PAPPA2: variants seen among roughly 807,000 people sequenced by gnomAD.
PAPPA2 encodes pappalysin 2, also known as pappalysin-2.
Under a neutral mutation model 176.4 loss-of-function variants are expected in PAPPA2, and 86 were observed. That is an observed-to-expected ratio of 0.49 (90% confidence interval 0.41 to 0.58). The LOEUF (loss-of-function observed/expected upper bound fraction) is 0.58. PAPPA2 is among the 20% of genes least tolerant of loss of function. PAPPA2 has a pLI of 0.00. For missense variants in PAPPA2, 2,073 were observed against 2,256.9 expected, an observed-to-expected ratio of 0.92 and a Z score of 1.65; for synonymous variants, 809 against 852.2, an observed-to-expected ratio of 0.95 and a Z score of 0.88.
At chr1:176,557,284 G>C in intron 2 of PAPPA2, 43 bp downstream of exon 2, 15 of 1,516,570 alleles carry the variant, frequency 9.9e-6, no homozygotes, top group Non-Finnish European at 1.3e-5. Flanking sequence ...TGAGGGTATG[G>C]CTGGCTTTAT....
At chr1:176,501,642 T>C (rs1436015741) in intron 1 of PAPPA2, among the ~76,000 whole-genome samples, 2 of 152,230 alleles carry the variant, frequency 1.3e-5, no homozygotes, top group Non-Finnish European at 2.9e-5. Flanking sequence ...GTTATGTCAG[T>C]GCAAATGGTT....
chr1:176,717,783 A>C (rs551870847), intron 12 of PAPPA2, among the ~76,000 whole-genome samples: 29 of 152,360 alleles, frequency 1.9e-4, no homozygotes, highest in Admixed American at 5.9e-4. Context: ...CTCACATTAA[A>C]CATTTTTTTA....
chr1:176,820,728 CA>C (rs1208832483), intron 21 of PAPPA2, among the ~76,000 whole-genome samples: 2 of 152,092 alleles, frequency 1.3e-5, no homozygotes, highest in African/African-American at 4.8e-5. Context: ...TCTCCTGATT[CA>C]TACTTGGCCA....
At chr1:176,692,067 T>G in intron 5 of PAPPA2, 59 bp from the exon 6 acceptor site, 1 of 1,490,946 alleles carries the variant, frequency 6.7e-7, no homozygotes, top group Non-Finnish European at 9.2e-7. Flanking sequence ...TATCCCTGCC[T>G]TGGTGGACTT....
rs11277807 is a variant in PAPPA2, at chr1:176,634,799, G to GAGATAGAT, written c.1992-36129_1992-36122dup. ...GGTGTAGTTAAAATTTCCAAGGAGA[G>GAGATAGAT]AGATAGATAGATAGATAGATAGATA... On this transcript the variant is annotated intron_variant, in intron 3 of 22. Coordinates refer to ENST00000367662, the MANE Select transcript of PAPPA2 (RefSeq NM_020318.3). Among the ~76,000 whole-genome samples the GAGATAGAT allele has an allele frequency of 3.1e-3, 372 of 120,206 alleles. 1 individual carries two copies. Among genetic ancestry groups the GAGATAGAT allele is most frequent in the Non-Finnish European group, 3.6e-3 (199 of 55,986 alleles). The allele number at this position is 120,206 out of a possible 152,430, so 78.9% of individuals were successfully genotyped here.
At chr1:176,732,022 A>G (rs560168208) in intron 12 of PAPPA2, among the ~76,000 whole-genome samples, 1 of 152,180 alleles carries the variant, frequency 6.6e-6, no homozygotes, top group Non-Finnish European at 1.5e-5. Flanking sequence ...ATAATTTAAA[A>G]AATATAATTA....
chr1:176,606,838 G>T (rs997684646), intron 3 of PAPPA2, among the ~76,000 whole-genome samples: 3 of 152,136 alleles, frequency 2.0e-5, no homozygotes, highest in African/African-American at 4.8e-5. Context: ...ATGAACCAAA[G>T]TACAGATGTG....
intron 12 of PAPPA2, among the ~76,000 whole-genome samples, chr1:176,715,495 C>T (rs943380399): frequency 1.3e-5 from 2 of 152,126 alleles, no homozygotes; most frequent in Non-Finnish European, 2.9e-5. Flanking sequence ...GCCTCTGTGC[C>T]CCAACTGGGC....
intron 12 of PAPPA2, among the ~76,000 whole-genome samples, chr1:176,713,366 C>T (rs1661228848): frequency 1.3e-5 from 2 of 152,068 alleles, no homozygotes; most frequent in South Asian, 4.1e-4. Context: ...AAGGCACCAA[C>T]TCCTGCCAGT....
chr1:176,698,258 G>A (rs964523199), intron 7 of PAPPA2, among the ~76,000 whole-genome samples: 1 of 152,142 alleles, frequency 6.6e-6, no homozygotes, highest in African/African-American at 2.4e-5. Flanking sequence ...AGTAAGGCGG[G>A]GCTAAACATT....
At chr1:176,643,943 AG>A (rs1212659518) in intron 3 of PAPPA2, among the ~76,000 whole-genome samples, 20 of 151,856 alleles carry the variant, frequency 1.3e-4, no homozygotes. Context: ...GCAGAGGAGA[AG>A]GTGAGGGACA....
At chr1:176,607,614 C>T (rs1418035062) in intron 3 of PAPPA2, among the ~76,000 whole-genome samples, 2 of 152,160 alleles carry the variant, frequency 1.3e-5, no homozygotes, top group African/African-American at 4.8e-5. Flanking sequence ...CACTGATAGA[C>T]ACTTAGGTTG....
chr1:176,787,572 T>A (rs561787054), intron 17 of PAPPA2, among the ~76,000 whole-genome samples: 6 of 152,168 alleles, frequency 3.9e-5, no homozygotes, highest in Non-Finnish European at 7.4e-5. Flanking sequence ...TCCTTGGGAA[T>A]AAAGTTATGA....
intron 1 of PAPPA2, among the ~76,000 whole-genome samples, chr1:176,482,490 G>C (rs527948868): frequency 6.6e-6 from 1 of 152,302 alleles, no homozygotes; most frequent in African/African-American, 2.4e-5. Context: ...GGTTGTAAGT[G>C]AAGATCATTA....
intron 12 of PAPPA2, among the ~76,000 whole-genome samples, chr1:176,734,686 T>A (rs12117539): frequency 2.0e-5 from 3 of 151,956 alleles, no homozygotes; most frequent in Non-Finnish European, 4.4e-5. Flanking sequence ...AAACTCTTCC[T>A]CGACAAAATT....
chr1:176,480,539 C>T lies in PAPPA2; in HGVS notation c.-917+17121C>T, dbSNP rs181714080. ...GCAAGTAGGTGGTGGGGCATGGAGG[C>T]GGGAAGGCTGGAAGGGCCAGGTGGG... is the stretch of plus-strand genomic sequence containing the variant. On this transcript the variant is annotated intron_variant, in intron 1 of 22. Transcript: ENST00000367662. Among the ~76,000 whole-genome samples, 19 of 152,030 alleles carry T rather than the reference C, an allele frequency of 1.2e-4. No individual in the cohort carries two copies. The East Asian group carries it at 3.3e-3, about 26-fold the overall frequency.
chr1:176,585,922 T>C (rs1653276918), intron 2 of PAPPA2, among the ~76,000 whole-genome samples: 1 of 152,170 alleles, frequency 6.6e-6, no homozygotes, highest in South Asian at 2.1e-4. Context: ...TCTTAATATC[T>C]ATCTCTTATA....
chr1:176,783,797 C>A (rs1009306167), intron 17 of PAPPA2, among the ~76,000 whole-genome samples: 1 of 152,116 alleles, frequency 6.6e-6, no homozygotes, highest in Non-Finnish European at 1.5e-5. Flanking sequence ...GGTTTCTACA[C>A]CTTACTAGCA....
intron 21 of PAPPA2, among the ~76,000 whole-genome samples, chr1:176,806,021 A>AATTCAATTAC (rs903030726): frequency 1.3e-5 from 2 of 149,484 alleles, no homozygotes; most frequent in Non-Finnish European, 3.0e-5. Flanking sequence ...AAAAGGAAGC[A>AATTCAATTAC]ATTCAATTAC....
Sources: gnomAD v4.1 joint callset for allele counts (sites outside exome capture counted in the v4.1 genomes callset) on GRCh38, gnomAD v4.1.1 for gene constraint, MANE v1.5 for transcripts, NCBI Gene and HGNC (gene_info 2026-07-23, HGNC 2026-07-21) for gene names.